Variants in CRELD1 observed in about 807,000 individuals in gnomAD.
CRELD1 encodes the protein CRELD disulfide isomerase 1.
CRELD1 carries 42 observed loss-of-function variants against 58.2 expected under a neutral mutation model. The ratio of observed to expected loss-of-function variants is 0.72; its 90% CI spans 0.56 to 0.93. The LOEUF is 0.93. CRELD1 is among the 40% of genes least tolerant of loss of function. The pLI is 0.00. For synonymous variants in CRELD1, 222 were observed against 202.0 expected, an observed-to-expected ratio of 1.10 and a Z score of -0.84; for missense variants, 500 against 540.6, an observed-to-expected ratio of 0.92 and a Z score of 0.74.
chr3:9,943,353 A>G, intron 9 of CRELD1, 28 bp from the exon 10 acceptor site: 1 of 1,613,824 alleles, frequency 6.2e-7, no homozygotes, highest in Non-Finnish European at 8.5e-7. Flanking sequence ...GGGCCCTAGC[A>G]GGACTCTGAC....
chr3:9,936,341 G>A (rs1173480911), intron 3 of CRELD1: 1 of 152,056 alleles, frequency 6.6e-6, no homozygotes, highest in African/African-American at 2.4e-5. Flanking sequence ...AACCCCAGAG[G>A]CACTTCCAGC....
chr3:9,943,489 G>C lies in CRELD1; in HGVS notation c.1022G>C (p.Gly341Ala). Residue 341 changes from glycine to alanine, a missense_variant, in exon 10 of 11, where the codon GGC (glycine) becomes GCC (alanine). Physicochemically the swap from Gly to Ala is moderately conservative, Grantham distance 60. Transcript: ENST00000452070. The stretch of plus-strand genomic sequence containing the variant: ...GCCGAGGGCTACAAGCAGATGGAAG[G>C]CATCTGTGTGAAGGAGCAGATCCCA... Reference protein sequence around the residue: ...ICAEGYKQMEGICVKEQIPES... With the variant: ...ICAEGYKQMEAICVKEQIPES... 6.2e-7 allele frequency: 1 copy of C among 1,614,098 alleles called. No homozygotes were observed. The highest frequency in any genetic ancestry group is 8.5e-7 in the Non-Finnish European group (1 of 1,180,020).
Position 9,944,485 on chromosome 3 carries a change from C to G in CRELD1, c.1169C>G (p.Thr390Ser). 1 of 1,613,306 alleles carries G rather than the reference C, an allele frequency of 6.2e-7. No homozygotes were observed. The highest frequency in any genetic ancestry group is 8.5e-7 in the Non-Finnish European group (1 of 1,180,024). ...TLAAKGDLVFTAIFIGAVAAM... is the reference protein window; with the variant it reads ...TLAAKGDLVFSAIFIGAVAAM... ...GCTGCTAAGGGCGACTTGGTGTTCACCGCCATCTTCATTGGGGCTGTGGCG... is the reference window on the plus strand; with the variant it reads ...GCTGCTAAGGGCGACTTGGTGTTCAGCGCCATCTTCATTGGGGCTGTGGCG... Residue 390 changes from threonine (T) to serine (S), a missense_variant, in exon 11 of 11, where the codon ACC (threonine) becomes AGC (serine). Thr to Ser is a moderately conservative substitution (Grantham distance 58). Coordinates refer to ENST00000452070, the MANE Select transcript of CRELD1 (RefSeq NM_001077415.3).
At chr3:9,942,746 A>G (rs767717831) in intron 7 of CRELD1, 67 bp from the exon 8 acceptor site, 16 of 1,271,724 alleles carry the variant, frequency 1.3e-5, no homozygotes, top group South Asian at 3.6e-5. Context: ...CCATTCCCCA[A>G]CGGCTCTGGC....
At chr3:9,938,608 C>G (rs2085260478) in intron 5 of CRELD1, 1 of 160,926 alleles carries the variant, frequency 6.2e-6, no homozygotes, top group Admixed American at 6.2e-5. Context: ...ACCTGTAATC[C>G]CAACACTTTG....
At chr3:9,938,783 C>G (rs1363960403) in intron 5 of CRELD1, among the ~76,000 whole-genome samples, 1 of 152,040 alleles carries the variant, frequency 6.6e-6, no homozygotes, top group East Asian at 1.9e-4. Context: ...TGGCATGAAC[C>G]CGGCAGGCGG....
At chr3:9,937,476 C>T (rs774637304) in intron 3 of CRELD1, 86 bp from the exon 4 acceptor site, 29 of 884,420 alleles carry the variant, frequency 3.3e-5, no homozygotes, top group African/African-American at 8.2e-5. Context: ...ATATTTTCAC[C>T]GCACGAGGAA....
intron 8 of CRELD1, 66 bp downstream of exon 8, chr3:9,942,962 C>A: frequency 6.5e-7 from 1 of 1,538,344 alleles, no homozygotes; most frequent in Non-Finnish European, 9.0e-7. Flanking sequence ...CACACCTGTC[C>A]CTCCAAACCT....
chr3:9,940,873 C>G lies in CRELD1; in HGVS notation c.484C>G (p.Pro162Ala), dbSNP rs121912626. 6 of 1,613,156 alleles carry G rather than the reference C, an allele frequency of 3.7e-6. No homozygotes were observed. The highest frequency in any genetic ancestry group is 4.2e-6 in the Non-Finnish European group (5 of 1,179,678). Residue 162 changes from proline to alanine, a missense_variant, in exon 6 of 11, where the codon CCC becomes GCC. Physicochemically the swap from Pro to Ala is conservative, Grantham distance 27. Coordinates refer to ENST00000452070, the MANE Select transcript of CRELD1 (RefSeq NM_001077415.3). ...AGCCTGTCCTGGGGGAACAGAGAGG[C>G]CCTGCGGTGGCTACGGGCAGTGTGA... ...CLPCPGGTERPCGGYGQCEGE... is the reference protein window; with the variant it reads ...CLPCPGGTERACGGYGQCEGE...
rs771558141 is a variant in CRELD1 at position 9,937,647 on chromosome 3, C to T, written c.343C>T (p.Leu115=). The part of the protein sequence containing the change: ...CHRLLELSEE[L]VESWWFHKQQ... ...CCGCCTGCTGGAGCTGAGTGAGGAG[C>T]TGGTGGAGAGCTGGTGGTTTCACAA... The change falls in exon 4 of 11, where the codon CTG becomes TTG. Residue 115 remains leucine, a synonymous_variant. Transcript: ENST00000452070. 1.4e-5 allele frequency: 22 copies of T among 1,609,598 alleles called. No individual in the cohort carries two copies. The highest frequency in any genetic ancestry group is 1.8e-5 in the Non-Finnish European group (21 of 1,178,534).
rs1168680458 is a variant in CRELD1, at chr3:9,945,109, T to A, written c.*530T>A. 1 of 192,216 alleles carries A rather than the reference T, an allele frequency of 5.2e-6. No individual in the cohort carries two copies. The highest frequency in any genetic ancestry group is 2.3e-5 in the African/African-American group (1 of 42,814). 11.9% of individuals were successfully genotyped at this position (192,216 alleles called of 1,614,324 possible). ...AGAATCCTGGGAAATTGAGGGCTTC[T>A]TTGATGGTGAGTGGAGAAAAGATAG... On this transcript the variant is annotated 3_prime_UTR_variant, in exon 11 of 11. Coordinates refer to ENST00000452070, the MANE Select transcript of CRELD1 (RefSeq NM_001077415.3).
intron 5 of CRELD1, 115 bp from the exon 6 acceptor site, chr3:9,940,735 A>AG: frequency 2.1e-6 from 1 of 469,478 alleles, no homozygotes; most frequent in Non-Finnish European, 3.7e-6. Flanking sequence ...GGGGAGGGGG[A>AG]GGGGAGGGGG....
At chr3:9,942,737 C>T (rs963409028) in intron 7 of CRELD1, 76 bp from the exon 8 acceptor site, 1 of 1,149,286 alleles carries the variant, frequency 8.7e-7, no homozygotes, top group Non-Finnish European at 1.3e-6. Flanking sequence ...CAGGCAAGAC[C>T]ATTCCCCAAC....
chr3:9,941,526 C>G (rs527876413), intron 7 of CRELD1, among the ~76,000 whole-genome samples: 20 of 152,086 alleles, frequency 1.3e-4, no homozygotes, highest in Non-Finnish European at 2.6e-4. Context: ...CGCGGTGGCT[C>G]ACGCCTGTAA....
chr3:9,942,168 G>C (rs1351964580), intron 7 of CRELD1, among the ~76,000 whole-genome samples: 2 of 152,062 alleles, frequency 1.3e-5, no homozygotes, highest in Non-Finnish European at 2.9e-5. Context: ...CTACTCGGGA[G>C]GCAGAGGCAG....
In CRELD1 at chr3:9,941,931, G is replaced by A. The variant is rs561860646; in HGVS notation, c.733+725G>A. 7.4e-4 allele frequency among the ~76,000 whole-genome samples: 113 copies of A among 152,040 alleles called. 1 individual carries two copies. In the South Asian group the frequency reaches 0.018, roughly 25 times the overall value. On this transcript the variant is annotated intron_variant, in intron 7 of 10. Coordinates refer to ENST00000452070, the MANE Select transcript of CRELD1 (RefSeq NM_001077415.3). Reference sequence around the variant, plus strand: ...TTATATAGACTAAAGTAAAGGCTAAGCTGCTGTAACAAAAATCCCCAAAAG... The same window carrying A: ...TTATATAGACTAAAGTAAAGGCTAAACTGCTGTAACAAAAATCCCCAAAAG...
At chr3:9,942,750 C>T (rs754196959) in intron 7 of CRELD1, 63 bp from the exon 8 acceptor site, 1 of 1,316,048 alleles carries the variant, frequency 7.6e-7, no homozygotes, top group Admixed American at 1.7e-5. Flanking sequence ...TCCCCAACGG[C>T]TCTGGCTTCA....
At position 9,944,529 on chromosome 3, in the gene CRELD1, T is replaced by A; in HGVS notation, c.1213T>A (p.Leu405Met). ...TGTGGCGGCCATGACTGGCTACTGG[T>A]TGTCAGAGCGCAGTGACCGTGTGCT... The part of the protein sequence containing the change: ...GAVAAMTGYW[L>M]SERSDRVLEG... The change falls in exon 11 of 11, where the codon TTG becomes ATG. Residue 405 changes from leucine to methionine, a missense_variant. Leu to Met is a conservative substitution (Grantham distance 15). Transcript: ENST00000452070. 1 of 1,612,004 alleles carries A rather than the reference T, an allele frequency of 6.2e-7. No individual in the cohort carries two copies. Among genetic ancestry groups the A allele is most frequent in the Non-Finnish European group, 8.5e-7 (1 of 1,180,006 alleles).
intron 8 of CRELD1, 70 bp downstream of exon 8, chr3:9,942,966 C>G: frequency 6.5e-7 from 1 of 1,545,234 alleles, no homozygotes; most frequent in Non-Finnish European, 8.9e-7. Flanking sequence ...CCTGTCCCTC[C>G]AAACCTTCCC....
Sources: gnomAD v4.1 joint callset for allele counts (sites outside exome capture counted in the v4.1 genomes callset) on GRCh38, gnomAD v4.1.1 for gene constraint, MANE v1.5 for transcripts, NCBI Gene and HGNC (gene_info 2026-07-23, HGNC 2026-07-21) for gene names.